The following CA10 variants were observed in gnomAD, a reference collection of about 807,000 sequenced individuals.
The protein encoded by CA10 is carbonic anhydrase 10 (inactive), also known as carbonic anhydrase-related protein 10.
Under a neutral mutation model 44.2 loss-of-function variants are expected in CA10, and 14 were observed. The observed-to-expected ratio is 0.32, with a 90% CI of 0.21 to 0.50. CA10 has a LOEUF of 0.50. Ranked by LOEUF, CA10 falls within the 20% of genes least tolerant of loss-of-function variation. CA10 has a pLI of 0.99. For synonymous variants in CA10, 159 were observed against 141.6 expected, an observed-to-expected ratio of 1.12 and a Z score of -0.87; for missense variants, 350 against 409.7, an observed-to-expected ratio of 0.85 and a Z score of 1.26.
At chr17:51,657,233 G>C (rs1418875411) in intron 4 of CA10, among the ~76,000 whole-genome samples, 2 of 152,168 alleles carry the variant, frequency 1.3e-5, no homozygotes, top group African/African-American at 4.8e-5. Flanking sequence ...CAGTCACCAG[G>C]CTTTTTGTTC....
chr17:51,730,422 T>G (rs1440175271), intron 4 of CA10, among the ~76,000 whole-genome samples: 1 of 152,244 alleles, frequency 6.6e-6, no homozygotes, highest in East Asian at 1.9e-4. Context: ...CTACACTTTT[T>G]GGGCATTATT....
chr17:51,951,747 T>G (rs556705726), intron 2 of CA10, among the ~76,000 whole-genome samples: 1 of 152,300 alleles, frequency 6.6e-6, no homozygotes, highest in African/African-American at 2.4e-5. Flanking sequence ...TAACTGCAGA[T>G]GTACTCTAAG....
chr17:51,716,795 G>C (rs150059650), intron 4 of CA10, among the ~76,000 whole-genome samples: 1 of 152,114 alleles, frequency 6.6e-6, no homozygotes, highest in South Asian at 2.1e-4. Context: ...TCAATCTTAA[G>C]ACCTATTACT....
intron 3 of CA10, among the ~76,000 whole-genome samples, chr17:51,915,059 T>C (rs1292988450): frequency 6.6e-6 from 1 of 152,214 alleles, no homozygotes; most frequent in Non-Finnish European, 1.5e-5. Flanking sequence ...TCAATAAACA[T>C]TTATTGACTG....
intron 2 of CA10, among the ~76,000 whole-genome samples, chr17:51,980,080 C>T (rs1355103765): frequency 6.6e-6 from 1 of 152,066 alleles, no homozygotes; most frequent in Non-Finnish European, 1.5e-5. Flanking sequence ...TCTAGTTCTG[C>T]TTTTAGCTCT....
chr17:52,099,252 T>C (rs541699477), intron 1 of CA10, among the ~76,000 whole-genome samples: 2 of 152,168 alleles, frequency 1.3e-5, no homozygotes, highest in East Asian at 1.9e-4. Context: ...GTCAGTAAAC[T>C]GCCTGGAGCA....
In CA10 at chr17:52,029,029, GATA is replaced by G. The variant is rs1986384628; in HGVS notation, c.136+43287_136+43289del. Among the ~76,000 whole-genome samples the G allele has an allele frequency of 2.0e-5, 3 of 152,130 alleles. No homozygotes were observed. In the South Asian group the frequency reaches 6.2e-4, roughly 31 times the overall value. On this transcript the variant is annotated intron_variant, in intron 2 of 8. Transcript: ENST00000451037. ...TCAGTAATCTTATCTAAAACTACTG[GATA>G]ATTCCTTTGAGGGTGCTATCATAGC...
intron 2 of CA10, among the ~76,000 whole-genome samples, chr17:52,033,694 A>G (rs555290826): frequency 6.6e-6 from 1 of 152,314 alleles, no homozygotes; most frequent in Admixed American, 6.5e-5. Flanking sequence ...AACAATAAAG[A>G]TTAACAGCAT....
At position 51,717,595 on chromosome 17, in the gene CA10, G is replaced by GTA. The variant is rs578105186; in HGVS notation, c.465+30036_465+30037dup. On this transcript the variant is annotated intron_variant, in intron 4 of 8. Coordinates refer to ENST00000451037, the MANE Select transcript of CA10 (RefSeq NM_020178.5). The stretch of plus-strand genomic sequence containing the variant: ...TAAATATATAAAAATATATATTTGT[G>GTA]TATATATATACATGTATACATGTAT... Among the ~76,000 whole-genome samples, 195 of 107,448 alleles carry GTA rather than the reference G, an allele frequency of 1.8e-3. 10 individuals carry two copies. The highest frequency in any genetic ancestry group is 6.7e-3 in the African/African-American group (187 of 27,986). The allele number at this position is 107,448 out of a possible 152,430, so 70.5% of individuals were successfully genotyped here. A position where few individuals can be genotyped will look rare whatever the true frequency, so the allele number is the denominator to read the frequency against.
intron 3 of CA10, among the ~76,000 whole-genome samples, chr17:51,817,899 G>T (rs1165257368): frequency 1.3e-5 from 2 of 152,180 alleles, no homozygotes; most frequent in Non-Finnish European, 2.9e-5. Context: ...TGCCCACCGT[G>T]GTGTAATTAG....
At position 51,798,177 on chromosome 17, in the gene CA10, T is replaced by C. The variant is rs1906789111; in HGVS notation, c.280-50359A>G. Among the ~76,000 whole-genome samples the C allele has an allele frequency of 2.6e-5, 4 of 152,232 alleles. No individual in the cohort carries two copies. In the South Asian group the frequency reaches 8.3e-4, roughly 31 times the overall value. On this transcript the variant is annotated intron_variant, in intron 3 of 8. Transcript: ENST00000451037. ...TTTTCTATATTCATAATACAACACA[T>C]GGACATTTGGCTGGGCAAGCACATT...
chr17:51,777,353 A>G (rs1182664710), intron 3 of CA10, among the ~76,000 whole-genome samples: 1 of 152,196 alleles, frequency 6.6e-6, no homozygotes, highest in East Asian at 1.9e-4. Context: ...AAAACAACGT[A>G]TTTCACTTGT....
chr17:51,636,316 T>G (rs1324606361), intron 6 of CA10, among the ~76,000 whole-genome samples: 1 of 152,184 alleles, frequency 6.6e-6, no homozygotes, highest in Non-Finnish European at 1.5e-5. Flanking sequence ...GGACCTAGAC[T>G]CTTAGAGCAG....
chr17:51,635,615 G>C (rs1425670803), intron 7 of CA10, among the ~76,000 whole-genome samples: 1 of 152,160 alleles, frequency 6.6e-6, no homozygotes, highest in Non-Finnish European at 1.5e-5. Context: ...CTAGGGGAGA[G>C]GCATGGAACA....
chr17:51,849,243 A>ATATG (rs1279742073), intron 3 of CA10, among the ~76,000 whole-genome samples: 2 of 129,776 alleles, frequency 1.5e-5, no homozygotes, highest in Non-Finnish European at 3.2e-5. Flanking sequence ...GTATATATAT[A>ATATG]TATATATATA....
At chr17:51,951,909 A>G (rs1983498682) in intron 2 of CA10, among the ~76,000 whole-genome samples, 1 of 152,180 alleles carries the variant, frequency 6.6e-6, no homozygotes, top group Non-Finnish European at 1.5e-5. Context: ...TTCTATGTGC[A>G]TGTGGCTACA....
intron 2 of CA10, among the ~76,000 whole-genome samples, chr17:51,974,932 G>A (rs1984412039): frequency 6.6e-6 from 1 of 152,090 alleles, no homozygotes; most frequent in Non-Finnish European, 1.5e-5. Flanking sequence ...GGCAAGAAAT[G>A]TCATAATATT....
At chr17:52,114,404 CA>C (rs1266269458) in intron 1 of CA10, among the ~76,000 whole-genome samples, 2 of 152,198 alleles carry the variant, frequency 1.3e-5, no homozygotes, top group Non-Finnish European at 2.9e-5. Context: ...TGATCTGGAG[CA>C]AATTGCTTAT....
intron 2 of CA10, among the ~76,000 whole-genome samples, chr17:51,932,756 T>A (rs2143998318): frequency 6.6e-6 from 1 of 152,210 alleles, no homozygotes; most frequent in East Asian, 1.9e-4. Context: ...GCCCTCTCAT[T>A]TCTTATCATT....
Sources: allele counts gnomAD v4.1 joint callset (sites outside exome capture counted in the v4.1 genomes callset), GRCh38; gene constraint gnomAD v4.1.1; transcripts MANE v1.5; gene names NCBI Gene and HGNC (gene_info 2026-07-23, HGNC 2026-07-21).